The following WDPCP variants were observed in gnomAD, a reference collection of about 807,000 sequenced individuals.
The protein encoded by WDPCP is WD repeat containing planar cell polarity effector, also known as WD repeat-containing and planar cell polarity effector protein fritz homolog.
Under a neutral mutation model 93.1 loss-of-function variants are expected in WDPCP, and 71 were observed. The ratio of observed to expected loss-of-function variants is 0.76; its 90% confidence interval spans 0.63 to 0.93. The LOEUF (loss-of-function observed/expected upper bound fraction) is 0.93. WDPCP is among the 40% of genes least tolerant of loss of function. The probability of loss-of-function intolerance (pLI) is 0.00; values close to 1 mark genes in which losing one functional copy is unlikely to be tolerated. For missense variants in WDPCP, 844 were observed against 887.4 expected (o/e 0.95, Z 0.62); for synonymous variants, 315 against 315.0 (o/e 1.00, Z 0.00).
chr2:63,609,438 A>G (rs1709591624), intron 3 of WDPCP, among the ~76,000 whole-genome samples: 1 of 152,194 alleles, frequency 6.6e-6, no homozygotes, highest in South Asian at 2.1e-4. Flanking sequence ...ATGGCAGAAG[A>G]GAAAGAAAAC....
chr2:63,569,633 C>G (rs1446903730), intron 1 of WDPCP, among the ~76,000 whole-genome samples: 1 of 152,190 alleles, frequency 6.6e-6, no homozygotes, highest in Admixed American at 6.5e-5. Flanking sequence ...AGCCTGTACT[C>G]AATTTCCTCA....
chr2:63,449,633 C>T (rs954202015), intron 6 of WDPCP, among the ~76,000 whole-genome samples: 13 of 152,138 alleles, frequency 8.5e-5, no homozygotes, highest in African/African-American at 3.1e-4. Context: ...CACAAGAGAC[C>T]TCCTCTACCC....
At chr2:63,211,170 C>T (rs1382496168) in intron 14 of WDPCP, among the ~76,000 whole-genome samples, 1 of 152,190 alleles carries the variant, frequency 6.6e-6, no homozygotes, top group Non-Finnish European at 1.5e-5. Flanking sequence ...CAAGTGGGTC[C>T]CTGACCCCCG....
At chr2:63,830,619 C>T (rs1558921220), upstream of WDPCP, among the ~76,000 whole-genome samples, 1 of 152,076 alleles carries the variant, frequency 6.6e-6, no homozygotes, top group Non-Finnish European at 1.5e-5. Flanking sequence ...ATAAGGGTAA[C>T]TGACTTTTGT....
upstream of WDPCP, chr2:63,589,197 G>A: frequency 6.3e-7 from 1 of 1,594,964 alleles, no homozygotes. Flanking sequence ...GGGGATTGCC[G>A]CAGTGACCCA....
At chr2:63,472,194 G>GT (rs1699731792) in intron 6 of WDPCP, among the ~76,000 whole-genome samples, 1 of 151,276 alleles carries the variant, frequency 6.6e-6, no homozygotes, top group African/African-American at 2.4e-5. Context: ...AACTCTAGAA[G>GT]TTTTTTGGAT....
At chr2:63,232,839 C>G (rs900711559) in intron 14 of WDPCP, 3 of 162,388 alleles carry the variant, frequency 1.8e-5, no homozygotes, top group African/African-American at 7.2e-5. Context: ...TTGTTTATTT[C>G]AGTAGCTGGA....
At chr2:63,368,321 T>TATTTATTTATTTA (rs1558527762) in intron 12 of WDPCP, among the ~76,000 whole-genome samples, 5 of 145,758 alleles carry the variant, frequency 3.4e-5, no homozygotes, top group African/African-American at 1.3e-4. Flanking sequence ...TTTATTTATT[T>TATTTATTTATTTA]ATTTATTTAT....
At chr2:63,175,680 A>T (rs1673752625) in intron 14 of WDPCP, among the ~76,000 whole-genome samples, 1 of 152,214 alleles carries the variant, frequency 6.6e-6, no homozygotes, top group African/African-American at 2.4e-5. Context: ...GTGGTATCAT[A>T]CAGTATTCAC....
intron 2 of WDPCP, among the ~76,000 whole-genome samples, chr2:63,807,300 C>T (rs977099790): frequency 5.9e-5 from 9 of 152,168 alleles, no homozygotes; most frequent in South Asian, 2.1e-4. Flanking sequence ...AATGGCTTAG[C>T]GCCATTCTTG....
At chr2:63,379,309 A>G (rs766956230) in intron 11 of WDPCP, among the ~76,000 whole-genome samples, 3 of 152,172 alleles carry the variant, frequency 2.0e-5, no homozygotes, top group Non-Finnish European at 2.9e-5. Context: ...TTTTTATGCT[A>G]CTAGCACTGA....
At chr2:63,797,220 C>T (rs1000762056) in intron 2 of WDPCP, among the ~76,000 whole-genome samples, 2 of 152,122 alleles carry the variant, frequency 1.3e-5, no homozygotes, top group African/African-American at 4.8e-5. Flanking sequence ...GGGTGAGACT[C>T]AGAGCTGTGC....
chr2:63,486,885 C>T (rs77810758), intron 3 of WDPCP, among the ~76,000 whole-genome samples: 2,244 of 152,054 alleles, frequency 0.015, 48 homozygotes, highest in African/African-American at 0.05. Context: ...GAGCCCAGAA[C>T]AGAAGCTGCT....
At chr2:63,278,532 A>AAAGGAGAACATCCAGCTGGGCACGGTGGC (rs1683257172) in intron 13 of WDPCP, among the ~76,000 whole-genome samples, 1 of 152,236 alleles carries the variant, frequency 6.6e-6, no homozygotes, top group Admixed American at 6.5e-5. Context: ...TTAACCAAGC[A>AAAGGAGAACATCCAGCTGGGCACGGTGGC]AAGGAGAACA....
At chr2:63,770,642 C>G (rs960374443) in intron 2 of WDPCP, among the ~76,000 whole-genome samples, 6 of 151,934 alleles carry the variant, frequency 3.9e-5, no homozygotes, top group Non-Finnish European at 8.8e-5. Flanking sequence ...AAAGTGTGGT[C>G]TGAGGACTTT....
chr2:63,302,945 G>T (rs370320160), intron 13 of WDPCP, among the ~76,000 whole-genome samples: 1 of 152,160 alleles, frequency 6.6e-6, no homozygotes, highest in Non-Finnish European at 1.5e-5. Flanking sequence ...TTTTACAATG[G>T]TGACTATCTT....
At chr2:63,409,115 C>A (rs1694826060) in intron 9 of WDPCP, among the ~76,000 whole-genome samples, 1 of 152,188 alleles carries the variant, frequency 6.6e-6, no homozygotes, top group South Asian at 2.1e-4. Flanking sequence ...AGCATTAAAC[C>A]ACCAAAGCTA....
chr2:63,642,380 T>G (rs1368135602), intron 3 of WDPCP: 1 of 152,142 alleles, frequency 6.6e-6, no homozygotes, highest in Non-Finnish European at 1.5e-5. Flanking sequence ...AGGATTGCAT[T>G]GAATTTGTAG....
intron 12 of WDPCP, among the ~76,000 whole-genome samples, chr2:63,362,973 A>C (rs1199025728): frequency 3.3e-5 from 5 of 152,202 alleles, no homozygotes; most frequent in African/African-American, 1.2e-4. Flanking sequence ...GTAATTTAAA[A>C]ACTTAAAAAT....
Sources: allele counts gnomAD v4.1 joint callset (sites outside exome capture counted in the v4.1 genomes callset), GRCh38; gene constraint gnomAD v4.1.1; transcripts MANE v1.5; gene names NCBI Gene and HGNC (gene_info 2026-07-23, HGNC 2026-07-21).